The following SBK2 variants were observed in gnomAD, a reference collection of about 807,000 sequenced individuals.
SBK2 encodes the protein SH3 domain binding kinase family member 2.
SBK2 carries 18 observed loss-of-function variants against 15.9 expected under a neutral mutation model. The ratio of observed to expected loss-of-function variants is 1.13; its 90% CI spans 0.78 to 1.68. The LOEUF is 1.68. SBK2 is among the 40% of genes most tolerant of loss of function. The pLI, the probability that SBK2 is intolerant of heterozygous loss-of-function variation, is 0.00. For synonymous variants in SBK2, 284 were observed against 246.8 expected, an observed-to-expected ratio of 1.15 and a Z score of -1.41; for missense variants, 581 against 510.9, an observed-to-expected ratio of 1.14 and a Z score of -1.32.
Position 55,530,204 on chromosome 19 carries a change from G to T in SBK2, c.576C>A (p.Cys192Ter). The change falls in exon 4 of 4, where the codon TGC (cysteine) becomes TGA (stop). Residue 192 changes from cysteine (C) to a stop codon, truncating the protein, a stop_gained. Transcript: ENST00000413299. LOFTEE classifies it low-confidence loss of function (END_TRUNC). The part of the protein sequence containing the change: ...RDLKPENVLV[C>*]DPACRRFKLT... ...GCTTGAAGCGCCGGCAGGCCGGGTC[G>T]CACACCAGGACGTTCTCCGGCTTCA... 6.5e-7 allele frequency: 1 copy of T among 1,535,014 alleles called. No homozygotes were observed. The highest frequency in any genetic ancestry group is 8.8e-7 in the Non-Finnish European group (1 of 1,140,836).
intron 1 of SBK2, 129 bp downstream of exon 1, chr19:55,536,925 G>C (rs1457135183): frequency 6.6e-6 from 1 of 152,408 alleles, no homozygotes; most frequent in Non-Finnish European, 1.5e-5. Context: ...CAGCCTCCAG[G>C]TGCAGCCCAG....
At chr19:55,530,352 C>T (rs1988222751) in intron 3 of SBK2, 29 bp from the exon 4 acceptor site, 3 of 1,394,094 alleles carry the variant, frequency 2.2e-6, no homozygotes, top group Admixed American at 3.3e-5. Flanking sequence ...GGGCCCAGTG[C>T]CCCGGGGCCA....
Position 55,529,675 on chromosome 19 carries a change from G to A in SBK2, c.*58C>T, listed in dbSNP as rs973477063. ...ACACACCGAGGAGACACCAAAAGCC[G>A]TTGGCCTTGGGGGCCTCGGGTGGGG... On this transcript the variant is annotated 3_prime_UTR_variant, in exon 4 of 4. Transcript: ENST00000413299. 1.3e-5 allele frequency: 21 copies of A among 1,563,862 alleles called. No individual in the cohort carries two copies. The highest frequency in any genetic ancestry group is 9.5e-5 in the African/African-American group (7 of 73,708).
intron 2 of SBK2, among the ~76,000 whole-genome samples, chr19:55,534,539 TA>T (rs889000112): frequency 7.4e-5 from 11 of 147,982 alleles, no homozygotes; most frequent in Non-Finnish European, 1.5e-4. Flanking sequence ...GACCCCATCT[TA>T]AAAAAAACAT....
chr19:55,532,466 C>G (rs1988294057), intron 2 of SBK2, among the ~76,000 whole-genome samples: 1 of 151,060 alleles, frequency 6.6e-6, no homozygotes, highest in Non-Finnish European at 1.5e-5. Flanking sequence ...CCATACCTAG[C>G]TAATTTTTGT....
At chr19:55,531,678 TA>T (rs913902121) in intron 2 of SBK2, among the ~76,000 whole-genome samples, 1 of 152,128 alleles carries the variant, frequency 6.6e-6, no homozygotes, top group Non-Finnish European at 1.5e-5. Context: ...ACCCTACCTC[TA>T]AAAAAAGTTT....
chr19:55,530,368 G>A, intron 3 of SBK2, 45 bp from the exon 4 acceptor site: 7 of 1,392,026 alleles, frequency 5.0e-6, no homozygotes, highest in Non-Finnish European at 5.6e-6. Context: ...GGCCACGGAA[G>A]GCAACCGAGA....
At chr19:55,531,739 A>G (rs1452717999) in intron 2 of SBK2, among the ~76,000 whole-genome samples, 1 of 152,218 alleles carries the variant, frequency 6.6e-6, no homozygotes. Context: ...GTACTTTGGG[A>G]GACCGAGGCG....
chr19:55,529,896 C>A lies in SBK2; in HGVS notation c.884G>T (p.Gly295Val). 1.3e-6 allele frequency: 2 copies of A among 1,573,826 alleles called. No individual in the cohort carries two copies. The highest frequency in any genetic ancestry group is 8.6e-7 in the Non-Finnish European group (1 of 1,162,856). Residue 295 changes from glycine to valine, a missense_variant, in exon 4 of 4, where the codon GGC becomes GTC. Transcript: ENST00000413299. Reference sequence around the variant, plus strand: ...AAGCGCGTCGGCCGCGGCGGCCAGGCCGAACCAGGGCTGAGGGCGGTCCCG... The same window carrying A: ...AAGCGCGTCGGCCGCGGCGGCCAGGACGAACCAGGGCTGAGGGCGGTCCCG... ...QPRDRPQPWF[G>V]LAAAADALLR...
At position 55,531,267 on chromosome 19, in the gene SBK2, AG is replaced by A. The variant is rs1988255619; in HGVS notation, c.331del (p.Leu111SerfsTer10). On this transcript the variant is annotated frameshift_variant, in exon 3 of 4. Coordinates refer to ENST00000413299, the MANE Select transcript of SBK2 (RefSeq NM_001370096.2). LOFTEE classifies it high-confidence loss of function. ...RGFLYEFCVG[L>X]SLGAHSAIVT... is the part of the protein sequence containing the mutation. ...GATGGCTGAGTGCGCGCCCAGCGAG[AG>A]CCCCACACAGAACTCGTACAGGAAG... 2 of 1,613,398 alleles carry A rather than the reference AG, an allele frequency of 1.2e-6. No individual in the cohort carries two copies. The highest frequency in any genetic ancestry group is 3.3e-5 in the Admixed American group (2 of 59,972).
Position 55,530,235 on chromosome 19 carries a change from C to T in SBK2, c.545G>A (p.Arg182Gln), listed in dbSNP as rs779022653. 4 of 1,529,656 alleles carry T rather than the reference C, an allele frequency of 2.6e-6. No individual in the cohort carries two copies. The highest frequency in any genetic ancestry group is 4.2e-5 in the Admixed American group (2 of 47,406). 94.8% of individuals were successfully genotyped at this position (1,529,656 alleles called of 1,614,324 possible). The change falls in exon 4 of 4, where the codon CGG becomes CAG. Residue 182 changes from arginine (R) to glutamine (Q), a missense_variant. Physicochemically the swap from Arg to Gln is conservative, Grantham distance 43. Transcript: ENST00000413299. ...EYIHARGLVY[R>Q]DLKPENVLVC... ...CAGGACGTTCTCCGGCTTCAGGTCCCGGTACACCAGGCCGCGGGCGTGGAT... is the reference window on the plus strand; with the variant it reads ...CAGGACGTTCTCCGGCTTCAGGTCCTGGTACACCAGGCCGCGGGCGTGGAT...
rs767143191 is a variant in SBK2, at chr19:55,531,187, C to G, written c.412G>C (p.Glu138Gln). 3 of 1,613,030 alleles carry G rather than the reference C, an allele frequency of 1.9e-6. No individual in the cohort carries two copies. The African/African-American group carries it at 4.0e-5, about 22-fold the overall frequency. Residue 138 changes from glutamate (E) to glutamine (Q), a missense_variant, in exon 3 of 4, where the codon GAG (glutamate) becomes CAG (glutamine). Glu to Gln is a conservative substitution (Grantham distance 29). Coordinates refer to ENST00000413299, the MANE Select transcript of SBK2 (RefSeq NM_001370096.2). The stretch of plus-strand genomic sequence containing the variant: ...ATGAGGTCCCCGTGCAGGACGGGCT[C>G]CGTCAGGAAGCTGTAGGAGTGTGCC... ...ESAHSYSFLT[E>Q]PVLHGDLMAF...
intron 3 of SBK2, 123 bp downstream of exon 3, chr19:55,531,020 G>A: frequency 3.5e-6 from 3 of 849,440 alleles, no homozygotes; most frequent in Non-Finnish European, 5.6e-6. Context: ...GGGGCCTCCG[G>A]GGGGTAGGGG....
rs756975961 is a variant in SBK2, at chr19:55,529,862, C to G, written c.918G>C (p.Gly306=). ...TCCTTCGGGGGTGAGGGTCCAGCAG[C>G]CCCCGCAGAAGCGCGTCGGCCGCGG... The part of the protein sequence containing the change: ...LAAAADALLR[G]LLDPHPRRRS... Residue 306 remains glycine (G), a synonymous_variant, in exon 4 of 4, where the codon GGG becomes GGC. Coordinates refer to ENST00000413299, the MANE Select transcript of SBK2 (RefSeq NM_001370096.2). 1.6e-5 allele frequency: 25 copies of G among 1,600,190 alleles called. No individual in the cohort carries two copies. The highest frequency in any genetic ancestry group is 3.3e-4 in the Middle Eastern group (2 of 5,986).
rs562921528 is a variant in SBK2 at position 55,531,074 on chromosome 19, C to T, written c.456+69G>A. ...CGCAGTGGCTGTGGCTCCTGCGGCC[C>T]AGGCTGCTCAGGACGTTCCTGGGAG... On this transcript the variant is annotated intron_variant, in intron 3 of 3. Transcript: ENST00000413299. 107 of 1,457,212 alleles carry T rather than the reference C, an allele frequency of 7.3e-5. 1 individual carries two copies. The South Asian group carries it at 1.1e-3, about 15-fold the overall frequency. The allele number at this position is 1,457,212 out of a possible 1,614,324, so 90.3% of individuals were successfully genotyped here. A position where few individuals can be genotyped will look rare whatever the true frequency, so the allele number is the denominator to read the frequency against.
Position 55,529,925 on chromosome 19 carries a change from C to T in SBK2, c.855G>A (p.Gln285=), listed in dbSNP as rs1323253997. ...ACCAGGGCTGAGGGCGGTCCCGGGG[C>T]TGGCCCGACGCCTGCCAGATGAGGA... ...EDFLIWQASG[Q]PRDRPQPWFG... is the part of the protein sequence containing the mutation. Residue 285 remains glutamine (Q), a synonymous_variant, in exon 4 of 4, where the codon CAG becomes CAA. Coordinates refer to ENST00000413299, the MANE Select transcript of SBK2 (RefSeq NM_001370096.2). 2.6e-6 allele frequency: 4 copies of T among 1,531,742 alleles called. No homozygotes were observed. Among genetic ancestry groups the T allele is most frequent in the Non-Finnish European group, 2.6e-6 (3 of 1,142,244 alleles). 94.9% of individuals were successfully genotyped at this position (1,531,742 alleles called of 1,614,324 possible).
At position 55,529,987 on chromosome 19, in the gene SBK2, G is replaced by T. The variant is rs1988207215; in HGVS notation, c.793C>A (p.Arg265=). 3 of 1,525,456 alleles carry T rather than the reference G, an allele frequency of 2.0e-6. No individual in the cohort carries two copies. The highest frequency in any genetic ancestry group is 2.4e-5 in the South Asian group (2 of 82,114). The allele number at this position is 1,525,456 out of a possible 1,614,324, so 94.5% of individuals were successfully genotyped here. The part of the protein sequence containing the change: ...CLLTGYFPWD[R]PLAEADPFYE... ...AAGGGGTCGGCCTCGGCCAGGGGCC[G>T]GTCCCAGGGGAAGTAGCCCGTGAGG... Residue 265 remains arginine (R), a synonymous_variant, in exon 4 of 4, where the codon CGG becomes AGG. Coordinates refer to ENST00000413299, the MANE Select transcript of SBK2 (RefSeq NM_001370096.2).
At chr19:55,533,659 CAAAAAAAAAAA>C (rs71181785) in intron 2 of SBK2, among the ~76,000 whole-genome samples, 5 of 33,894 alleles carry the variant, frequency 1.5e-4, no homozygotes, top group African/African-American at 1.9e-4. Flanking sequence ...GACTCCGTCT[CAAAAAAAAAAA>C]AAAAAAAAAA....
Position 55,530,012 on chromosome 19 carries a change from G to C in SBK2, c.768C>G (p.Leu256=). ...AWALGVLLFC[L]LTGYFPWDRP... The stretch of plus-strand genomic sequence containing the variant: ...GGTCCCAGGGGAAGTAGCCCGTGAG[G>C]AGGCAGAAGAGCAGGACGCCCAGCG... The change falls in exon 4 of 4, where the codon CTC becomes CTG. Residue 256 remains leucine, a synonymous_variant. Coordinates refer to ENST00000413299, the MANE Select transcript of SBK2 (RefSeq NM_001370096.2). 6.6e-7 allele frequency: 1 copy of C among 1,516,678 alleles called. No homozygotes were observed. Among genetic ancestry groups the C allele is most frequent in the South Asian group, 1.2e-5 (1 of 81,412 alleles). The allele number at this position is 1,516,678 out of a possible 1,614,324, so 94.0% of individuals were successfully genotyped here. A position where few individuals can be genotyped will look rare whatever the true frequency, so the allele number is the denominator to read the frequency against.
Sources: gnomAD v4.1 joint callset for allele counts (sites outside exome capture counted in the v4.1 genomes callset) on GRCh38, gnomAD v4.1.1 for gene constraint, MANE v1.5 for transcripts, NCBI Gene and HGNC (gene_info 2026-07-23, HGNC 2026-07-21) for gene names.